The following RFX3 variants were observed in gnomAD, a reference collection of about 807,000 sequenced individuals.
The protein encoded by RFX3 is transcription factor RFX3.
A neutral mutation model predicts 98.6 loss-of-function variants in RFX3; 14 were observed. The observed-to-expected ratio is 0.14, with a 90% confidence interval of 0.09 to 0.22. The LOEUF (loss-of-function observed/expected upper bound fraction) is 0.22, where lower values mean the gene tolerates loss of function less well. Ranked by LOEUF, RFX3 falls within the 10% of genes least tolerant of loss-of-function variation. RFX3 has a pLI of 1.00. For synonymous variants in RFX3, 383 were observed against 328.4 expected (o/e 1.17, Z -1.80); for missense variants, 639 against 926.9 (o/e 0.69, Z 4.03).
chr9:3,475,157 A>C (rs1448439581), intron 1 of RFX3, among the ~76,000 whole-genome samples: 1 of 151,946 alleles, frequency 6.6e-6, no homozygotes, highest in African/African-American at 2.4e-5. Flanking sequence ...GTAGGTTGCC[A>C]ACTATAAACA....
In RFX3 at chr9:3,419,354, T is replaced by C. The variant is rs188754594; in HGVS notation, c.-8-23758A>G. Reference sequence around the variant, plus strand: ...TTTATTTTTTCTTTAATTAAAATAATCTCATGGGTCTCTTATATGTTTGAC... The same window carrying C: ...TTTATTTTTTCTTTAATTAAAATAACCTCATGGGTCTCTTATATGTTTGAC... On this transcript the variant is annotated intron_variant, in intron 1 of 16. Transcript: ENST00000617270. Among the ~76,000 whole-genome samples, 16 of 152,310 alleles carry C rather than the reference T, an allele frequency of 1.1e-4. No homozygotes were observed. The East Asian group carries it at 2.7e-3, about 26-fold the overall frequency.
At chr9:3,426,740 T>C (rs1346135002) in intron 1 of RFX3, among the ~76,000 whole-genome samples, 1 of 152,130 alleles carries the variant, frequency 6.6e-6, no homozygotes, top group African/African-American at 2.4e-5. Context: ...TGTCACTGTC[T>C]CCTGTCACCC....
At chr9:3,293,812 G>A (rs1827674744) in intron 5 of RFX3, among the ~76,000 whole-genome samples, 1 of 152,016 alleles carries the variant, frequency 6.6e-6, no homozygotes, top group Admixed American at 6.6e-5. Context: ...TCTGAAAGCA[G>A]AAAAGACAAA....
chr9:3,257,093 G>A lies in RFX3; in HGVS notation c.1712C>T (p.Ala571Val), dbSNP rs1347365180. Residue 571 changes from alanine to valine, a missense_variant, in exon 14 of 17, where the codon GCG becomes GTG. Physicochemically the swap from Ala to Val is moderately conservative, Grantham distance 64. Coordinates refer to ENST00000617270, the MANE Select transcript of RFX3 (RefSeq NM_001282116.2). ...QQQSTLEQWAAWLDNVMMQAL... is the reference protein window; with the variant it reads ...QQQSTLEQWAVWLDNVMMQAL... ...TTGCATCATCACATTGTCAAGCCAC[G>A]CAGCCCACTGCTCCAGGGTGCTCTG... 8 of 1,613,906 alleles carry A rather than the reference G, an allele frequency of 5.0e-6. No homozygotes were observed. Among genetic ancestry groups the A allele is most frequent in the South Asian group, 3.3e-5 (3 of 91,068 alleles).
intron 15 of RFX3, among the ~76,000 whole-genome samples, chr9:3,238,854 G>C (rs187826112): frequency 8.6e-5 from 13 of 151,888 alleles, no homozygotes; most frequent in Non-Finnish European, 1.9e-4. Flanking sequence ...TTAGCTGGGC[G>C]TGGTTGCGCA....
chr9:3,464,073 A>G (rs963554256), intron 1 of RFX3, among the ~76,000 whole-genome samples: 1 of 152,232 alleles, frequency 6.6e-6, no homozygotes, highest in Admixed American at 6.5e-5. Context: ...GGAAATACAA[A>G]GTAATGTAAC....
intron 3 of RFX3, among the ~76,000 whole-genome samples, chr9:3,337,720 CTG>C (rs976534336): frequency 3.9e-5 from 6 of 152,288 alleles, no homozygotes; most frequent in Admixed American, 3.9e-4. Flanking sequence ...TCACTTGTGC[CTG>C]CCTGTTTCCA....
At chr9:3,404,962 A>T (rs1450625393) in intron 1 of RFX3, among the ~76,000 whole-genome samples, 1 of 152,172 alleles carries the variant, frequency 6.6e-6, no homozygotes, top group African/African-American at 2.4e-5. Context: ...CATCCCTCCA[A>T]GAGAAGATCA....
chr9:3,341,093 T>C (rs774595517), intron 3 of RFX3, among the ~76,000 whole-genome samples: 1 of 152,194 alleles, frequency 6.6e-6, no homozygotes, highest in Non-Finnish European at 1.5e-5. Flanking sequence ...GATGAGTTCA[T>C]GTCCTTTGTA....
chr9:3,490,360 GCAAGAA>G, intron 1 of RFX3: 2 of 963,844 alleles, frequency 2.1e-6, no homozygotes, highest in Non-Finnish European at 2.5e-6. Context: ...AATATTAAAA[GCAAGAA>G]CAATTAGTTC....
intron 12 of RFX3, among the ~76,000 whole-genome samples, chr9:3,265,877 T>C (rs903969428): frequency 1.3e-5 from 2 of 152,128 alleles, no homozygotes; most frequent in African/African-American, 4.8e-5. Flanking sequence ...GCTATTATTT[T>C]AATATTTGAA....
chr9:3,435,052 T>C (rs1349089788), intron 1 of RFX3, among the ~76,000 whole-genome samples: 1 of 151,354 alleles, frequency 6.6e-6, no homozygotes, highest in Non-Finnish European at 1.5e-5. Context: ...TAAAAAATGG[T>C]ATATTTGTAT....
chr9:3,407,521 T>C (rs966652881), intron 1 of RFX3, among the ~76,000 whole-genome samples: 3 of 152,142 alleles, frequency 2.0e-5, no homozygotes, highest in African/African-American at 7.2e-5. Context: ...AACTTGAATA[T>C]GCTATATCAC....
chr9:3,311,708 A>T (rs532120890), intron 4 of RFX3, among the ~76,000 whole-genome samples: 1 of 151,858 alleles, frequency 6.6e-6, no homozygotes, highest in African/African-American at 2.4e-5. Flanking sequence ...AACATGGCAA[A>T]ACCTCATCTC....
At chr9:3,390,026 C>T (rs1053103329) in intron 2 of RFX3, among the ~76,000 whole-genome samples, 7 of 152,206 alleles carry the variant, frequency 4.6e-5, no homozygotes, top group East Asian at 1.9e-4. Flanking sequence ...TTGTTTTATT[C>T]GGTACTTACT....
intron 1 of RFX3, among the ~76,000 whole-genome samples, chr9:3,509,996 G>C (rs534420570): frequency 1.3e-5 from 2 of 151,988 alleles, no homozygotes; most frequent in East Asian, 3.9e-4. Flanking sequence ...AAAAGAATCT[G>C]ACTCTAAAAT....
chr9:3,348,228 A>G (rs1272877420), intron 2 of RFX3, among the ~76,000 whole-genome samples: 1 of 152,164 alleles, frequency 6.6e-6, no homozygotes, highest in Non-Finnish European at 1.5e-5. Context: ...CCTCTATTTC[A>G]TGTATGCTGT....
intron 14 of RFX3, among the ~76,000 whole-genome samples, chr9:3,251,251 G>A (rs1821356854): frequency 6.6e-6 from 1 of 152,104 alleles, no homozygotes; most frequent in Non-Finnish European, 1.5e-5. Flanking sequence ...TAAACAACTG[G>A]ATCCCAATTT....
intron 6 of RFX3, among the ~76,000 whole-genome samples, 172 bp downstream of exon 6, chr9:3,292,905 G>A (rs1213899585): frequency 6.6e-6 from 1 of 152,124 alleles, no homozygotes; most frequent in East Asian, 1.9e-4. Context: ...GGCTTGGAAA[G>A]AAGTCACTGA....
Sources: allele counts gnomAD v4.1 joint callset (sites outside exome capture counted in the v4.1 genomes callset), GRCh38; gene constraint gnomAD v4.1.1; transcripts MANE v1.5; gene names NCBI Gene and HGNC (gene_info 2026-07-23, HGNC 2026-07-21).